The following SANBR variants were observed in gnomAD, a reference collection of about 807,000 sequenced individuals.
The protein encoded by SANBR is SANT and BTB domain regulator of class switch recombination.
In SANBR, 77 loss-of-function variants were observed where a neutral mutation model predicts 101.8. That is an observed-to-expected ratio of 0.76 (90% confidence interval 0.63 to 0.91). The LOEUF (loss-of-function observed/expected upper bound fraction) is 0.91. Ranked by LOEUF, SANBR falls within the 40% of genes least tolerant of loss-of-function variation. The pLI is 0.00. For synonymous variants in SANBR, 279 were observed against 274.7 expected, an observed-to-expected ratio of 1.02 and a Z score of -0.15; for missense variants, 875 against 853.0, an observed-to-expected ratio of 1.03 and a Z score of -0.32.
chr2:61,118,535 C>T (rs1684187428), intron 20 of SANBR, among the ~76,000 whole-genome samples: 1 of 150,020 alleles, frequency 6.7e-6, no homozygotes, highest in South Asian at 2.1e-4. Flanking sequence ...GCCACCACAC[C>T]TGGCCAAATA....
At chr2:61,068,152 A>G (rs1681278073) in intron 1 of SANBR, among the ~76,000 whole-genome samples, 1 of 152,166 alleles carries the variant, frequency 6.6e-6, no homozygotes, top group Non-Finnish European at 1.5e-5. Flanking sequence ...GAGAGAAATA[A>G]ACAGAAATTT....
At chr2:61,137,982 C>A (rs1354919684) in exon 22 of SANBR, 1 of 152,152 alleles carries the variant, frequency 6.6e-6, no homozygotes, top group Non-Finnish European at 1.5e-5. Context: ...TTTAGCTACT[C>A]AGTAGTAATG....
chr2:61,107,781 G>T (rs182097256), intron 14 of SANBR, among the ~76,000 whole-genome samples: 7 of 152,066 alleles, frequency 4.6e-5, no homozygotes, highest in Admixed American at 6.5e-5. Flanking sequence ...AGCTACTCGG[G>T]AGGCTAAAGC....
intron 8 of SANBR, 67 bp from the exon 9 acceptor site, chr2:61,088,092 G>T: frequency 2.5e-6 from 2 of 802,690 alleles, no homozygotes; most frequent in Non-Finnish European, 4.0e-6. Context: ...GCACAGATTG[G>T]TTTGTTTATT....
At chr2:61,129,717 A>T (rs1363093350) in intron 20 of SANBR, among the ~76,000 whole-genome samples, 1 of 152,116 alleles carries the variant, frequency 6.6e-6, no homozygotes, top group Non-Finnish European at 1.5e-5. Flanking sequence ...AATGAAGAGA[A>T]CCAGAAATGA....
chr2:61,118,050 T>G lies in SANBR; in HGVS notation c.1962T>G (p.Ile654Met). The G allele has an allele frequency of 6.2e-7, 1 of 1,613,642 alleles. No individual in the cohort carries two copies. The highest frequency in any genetic ancestry group is 8.5e-7 in the Non-Finnish European group (1 of 1,179,782). ...CAGATCAACGGCGAATGACTGAAAT[T>G]ACAGGGCACCTAATAAAAATGAGAT... ...REDDQRRMTE[I>M]TGHLIKMRLG... is the part of the protein sequence containing the mutation. Residue 654 changes from isoleucine to methionine, a missense_variant, in exon 20 of 22, where the codon ATT becomes ATG. By Grantham distance (10) the Ile-to-Met change is conservative. Coordinates refer to ENST00000402291, the MANE Select transcript of SANBR (RefSeq NM_001129993.3).
intron 6 of SANBR, among the ~76,000 whole-genome samples, chr2:61,078,641 C>T (rs917522765): frequency 2.0e-5 from 3 of 151,492 alleles, no homozygotes; most frequent in East Asian, 2.0e-4. Context: ...AGGCTGGTCT[C>T]GAACTCCTGA....
chr2:61,106,567 G>A lies in SANBR; in HGVS notation c.1516G>A (p.Val506Ile). 2 of 1,588,996 alleles carry A rather than the reference G, an allele frequency of 1.3e-6. No homozygotes were observed. The highest frequency in any genetic ancestry group is 8.6e-7 in the Non-Finnish European group (1 of 1,169,186). ...AAAATGTCTTTTTCTTTCAAGTGAT[G>A]TTGGGGTTGGCCTCTGTGATGAAAA... Reference protein sequence around the residue: ...VPFSKDTVSDVGVGLCDEKGI... With the variant: ...VPFSKDTVSDIGVGLCDEKGI... The change falls in exon 14 of 22, where the codon GTT (valine) becomes ATT (isoleucine). Residue 506 changes from valine to isoleucine, a missense_variant. By Grantham distance (29) the Val-to-Ile change is conservative. Transcript: ENST00000402291.
In SANBR at chr2:61,136,302, GA is replaced by G. The variant is rs555339835; in HGVS notation, c.*45-1149del. On this transcript the variant is annotated intron_variant, in intron 21 of 21. Transcript: ENST00000295031. ...CTGGGCAACAGAGCGAGACTCGTCTGAAAAAAAAAAAAAGAAAAAAGAATCT... is the reference window on the plus strand; with the variant it reads ...CTGGGCAACAGAGCGAGACTCGTCTGAAAAAAAAAAAAGAAAAAAGAATCT... Among the ~76,000 whole-genome samples the G allele has an allele frequency of 1.4e-3, 173 of 123,338 alleles. 1 individual carries two copies. The highest frequency in any genetic ancestry group is 2.9e-3 in the Admixed American group (34 of 11,876). 80.9% of individuals were successfully genotyped at this position (123,338 alleles called of 152,430 possible).
chr2:61,128,669 T>C (rs1461608970), downstream of SANBR, among the ~76,000 whole-genome samples: 1 of 152,082 alleles, frequency 6.6e-6, no homozygotes, highest in Non-Finnish European at 1.5e-5. Flanking sequence ...ATTTTTTGTA[T>C]TTTTAGTAGA....
rs751236623 is a variant in SANBR at position 61,076,980 on chromosome 2, C to T, written c.492C>T (p.Cys164=). The T allele has an allele frequency of 5.6e-6, 9 of 1,614,032 alleles. No homozygotes were observed. Among genetic ancestry groups the T allele is most frequent in the Non-Finnish European group, 7.6e-6 (9 of 1,179,998 alleles). ...EAKNLKEDFT[C]PRDLLISEMK... is the part of the protein sequence containing the mutation. ...AAAACTTGAAAGAAGATTTTACTTG[C>T]CCGCGAGATCTTTTGATATCAGAAA... The change falls in exon 6 of 22, where the codon TGC becomes TGT. Residue 164 remains cysteine (C), a synonymous_variant. Transcript: ENST00000402291.
chr2:61,077,209 G>A (rs555623432), intron 6 of SANBR, 51 bp downstream of exon 6: 22 of 1,338,974 alleles, frequency 1.6e-5, no homozygotes, highest in Non-Finnish European at 2.2e-5. Context: ...GTGTCACCTG[G>A]TAGTTTCTTC....
rs771792260 is a variant in SANBR, at chr2:61,088,226, A to T, written c.958A>T (p.Asn320Tyr). ...GTACTTGAATCCAGATTCTCGGAGT[A>T]ATGCAGCAACATTGTATAGGTATGC... ...PEYLNPDSRS[N>Y]AATLYRCCLC... The change falls in exon 9 of 22, where the codon AAT (asparagine) becomes TAT (tyrosine). Residue 320 changes from asparagine to tyrosine, a missense_variant. Asn to Tyr is a moderately radical substitution (Grantham distance 143). Transcript: ENST00000402291. The T allele has an allele frequency of 1.4e-5, 22 of 1,609,708 alleles. No individual in the cohort carries two copies. The highest frequency in any genetic ancestry group is 1.9e-5 in the Non-Finnish European group (22 of 1,178,216).
In SANBR at chr2:61,117,160, T is replaced by C. The variant is rs544461911; in HGVS notation, c.1837-197T>C. On this transcript the variant is annotated intron_variant, in intron 17 of 21. Coordinates refer to ENST00000402291, the MANE Select transcript of SANBR (RefSeq NM_001129993.3). ...CTTTGGAGAAGTTTCTTAACTTCTC[T>C]GAACCTGTTTTATTATGAAGATATT... 6.9e-6 allele frequency: 4 copies of C among 576,000 alleles called. No individual in the cohort carries two copies. In the Admixed American group the frequency reaches 1.2e-4, roughly 18 times the overall value. 35.7% of individuals were successfully genotyped at this position (576,000 alleles called of 1,614,324 possible). A position where few individuals can be genotyped will look rare whatever the true frequency, so the allele number is the denominator to read the frequency against.
chr2:61,091,383 A>G (rs977364880), intron 10 of SANBR, among the ~76,000 whole-genome samples: 12 of 152,038 alleles, frequency 7.9e-5, no homozygotes, highest in African/African-American at 2.9e-4. Context: ...CCTGAGGTCA[A>G]GAGTTCGGGA....
rs533049998 is a variant in SANBR at position 61,122,137 on chromosome 2, G to A, written c.2132G>A (p.Arg711His). 48 of 1,550,406 alleles carry A rather than the reference G, an allele frequency of 3.1e-5. No homozygotes were observed. Among genetic ancestry groups the A allele is most frequent in the South Asian group, 1.5e-4 (13 of 83,894 alleles). ...TTTAAAAAATCTAGGTCTAAAAGTC[G>A]TTTTGGTCAAGGGCGTCCTGCATAA... Reference protein sequence around the residue: ...SSEKNTRSKSRFGQGRPA With the variant: ...SSEKNTRSKSHFGQGRPA The change falls in exon 22 of 22, where the codon CGT (arginine) becomes CAT (histidine). Residue 711 changes from arginine to histidine, a missense_variant. Transcript: ENST00000402291.
rs921161088 is a variant in SANBR at position 61,092,398 on chromosome 2, A to G, written c.1089-66A>G. The G allele has an allele frequency of 6.4e-6, 8 of 1,243,804 alleles. No homozygotes were observed. The African/African-American group carries it at 1.3e-4, about 20-fold the overall frequency. The allele number at this position is 1,243,804 out of a possible 1,614,324, so 77.0% of individuals were successfully genotyped here. On this transcript the variant is annotated intron_variant, in intron 10 of 21. Transcript: ENST00000402291. Reference sequence around the variant, plus strand: ...AAACTCCATCTCAAAGAAGATAATAATTAAATAAATAAATAAAACAAATTG... The same window carrying G: ...AAACTCCATCTCAAAGAAGATAATAGTTAAATAAATAAATAAAACAAATTG...
chr2:61,079,916 A>AT (rs763492296), intron 6 of SANBR, among the ~76,000 whole-genome samples: 1 of 151,046 alleles, frequency 6.6e-6, no homozygotes, highest in Non-Finnish European at 1.5e-5. Flanking sequence ...AAAAAAAAAA[A>AT]GCCCGGCACT....
At chr2:61,110,953 T>A (rs1397273085) in intron 16 of SANBR, among the ~76,000 whole-genome samples, 1 of 152,168 alleles carries the variant, frequency 6.6e-6, no homozygotes, top group Non-Finnish European at 1.5e-5. Flanking sequence ...TAGAAATAAT[T>A]TGCATTTTTA....
Sources: gnomAD v4.1 joint callset for allele counts (sites outside exome capture counted in the v4.1 genomes callset) on GRCh38, gnomAD v4.1.1 for gene constraint, MANE v1.5 for transcripts, NCBI Gene and HGNC (gene_info 2026-07-23, HGNC 2026-07-21) for gene names.